The following SPINK5 variants were observed in gnomAD, a reference collection of about 807,000 sequenced individuals.
SPINK5 encodes serine protease inhibitor Kazal-type 5.
In SPINK5, 125 loss-of-function variants were observed where a neutral mutation model predicts 151.8. That is an observed-to-expected ratio of 0.82 (90% confidence interval 0.71 to 0.96). The LOEUF is 0.96. Among genes scored for constraint, SPINK5 ranks in the 40% least tolerant of loss-of-function variants. The pLI is 0.00. For synonymous variants in SPINK5, 374 were observed against 395.3 expected (o/e 0.95, Z 0.64); for missense variants, 1,194 against 1,291.9 (o/e 0.92, Z 1.16).
chr5:148,072,365 T>C, intron 4 of SPINK5, 145 bp downstream of exon 4: 1 of 820,802 alleles, frequency 1.2e-6, no homozygotes, highest in Non-Finnish European at 2.1e-6. Flanking sequence ...AGTCCAGGGG[T>C]GGGCTAAATA....
chr5:148,095,983 A>T, intron 10 of SPINK5, 78 bp downstream of exon 10: 1 of 1,092,858 alleles, frequency 9.2e-7, no homozygotes, highest in Non-Finnish European at 1.4e-6. Context: ...TGCATATTAC[A>T]TAGTATGCAC....
intron 22 of SPINK5, 67 bp from the exon 23 acceptor site, chr5:148,118,370 A>T (rs1754155250): frequency 6.2e-7 from 1 of 1,608,530 alleles, no homozygotes. Context: ...TCAGACTGTT[A>T]AAACAATTTA....
chr5:148,102,081 G>T (rs926453917), intron 15 of SPINK5, among the ~76,000 whole-genome samples, 173 bp downstream of exon 15: 2 of 152,012 alleles, frequency 1.3e-5, no homozygotes, highest in Non-Finnish European at 2.9e-5. Flanking sequence ...ACAAGTGGAG[G>T]GCTTTCTATT....
intron 14 of SPINK5, 76 bp from the exon 15 acceptor site, chr5:148,101,705 G>A (rs1753648969): frequency 1.2e-6 from 2 of 1,606,328 alleles, no homozygotes; most frequent in Admixed American, 3.3e-5. Flanking sequence ...AAGAAAAAAA[G>A]TACAAGCTTT....
At chr5:148,113,443 T>C (rs1467361811) in intron 20 of SPINK5, among the ~76,000 whole-genome samples, 2 of 152,236 alleles carry the variant, frequency 1.3e-5, no homozygotes, top group South Asian at 2.1e-4. Context: ...GCCAGCCTTC[T>C]TTCTAGTACA....
chr5:148,134,766 T>C (rs1754656060), intron 32 of SPINK5, among the ~76,000 whole-genome samples: 2 of 152,096 alleles, frequency 1.3e-5, no homozygotes, highest in Non-Finnish European at 2.9e-5. Context: ...TAAAATTATG[T>C]GTAATAAACA....
chr5:148,105,591 T>C (rs1753759460), intron 16 of SPINK5, among the ~76,000 whole-genome samples: 1 of 151,892 alleles, frequency 6.6e-6, no homozygotes, highest in African/African-American at 2.4e-5. Flanking sequence ...ATATAATAGC[T>C]ACATACAAGA....
At chr5:148,123,794 T>C (rs1754354961) in intron 26 of SPINK5, 39 bp from the exon 27 acceptor site, 1 of 1,613,446 alleles carries the variant, frequency 6.2e-7, no homozygotes, top group Non-Finnish European at 8.5e-7. Context: ...TGAAAGATTA[T>C]ACCATGACAG....
At chr5:148,098,424 G>A (rs1753534312) in intron 11 of SPINK5, among the ~76,000 whole-genome samples, 1 of 152,076 alleles carries the variant, frequency 6.6e-6, no homozygotes, top group South Asian at 2.1e-4. Context: ...ATTATTTTAT[G>A]TAATGCAATA....
intron 31 of SPINK5, among the ~76,000 whole-genome samples, chr5:148,133,298 A>T (rs1257132900): frequency 2.6e-5 from 4 of 152,228 alleles, no homozygotes; most frequent in Non-Finnish European, 1.5e-5. Flanking sequence ...TGAGTTTCCC[A>T]TTACCAGAGG....
At chr5:148,123,007 C>T (rs1341669666) in intron 26 of SPINK5, among the ~76,000 whole-genome samples, 1 of 150,792 alleles carries the variant, frequency 6.6e-6, no homozygotes, top group African/African-American at 2.4e-5. Flanking sequence ...ACTGAGTGCA[C>T]TCATAGGGAG....
intron 6 of SPINK5, chr5:148,088,886 A>T: frequency 2.1e-6 from 1 of 466,580 alleles, no homozygotes; most frequent in Non-Finnish European, 3.9e-6. Context: ...TGTGTAGTAG[A>T]AAGGGCACAA....
intron 8 of SPINK5, among the ~76,000 whole-genome samples, chr5:148,091,721 T>G (rs1173333651): frequency 2.0e-5 from 3 of 151,628 alleles, no homozygotes; most frequent in Admixed American, 2.0e-4. Context: ...GCCATTGTGA[T>G]TATTCTGTTC....
intron 5 of SPINK5, among the ~76,000 whole-genome samples, chr5:148,087,445 G>T (rs1561681062): frequency 6.6e-6 from 1 of 151,754 alleles, no homozygotes; most frequent in Non-Finnish European, 1.5e-5. Flanking sequence ...AGCTCTCCTT[G>T]CAATAAATAT....
intron 10 of SPINK5, among the ~76,000 whole-genome samples, chr5:148,096,747 C>T (rs796540807): frequency 1.5e-4 from 20 of 136,138 alleles, no homozygotes; most frequent in East Asian, 8.7e-4. Flanking sequence ...TTTTTCTTTT[C>T]TTTTCTTTTT....
rs764286291 is a variant in SPINK5 at position 148,107,143 on chromosome 5, G to A, written c.1586G>A (p.Cys529Tyr). The change falls in exon 17 of 33, where the codon TGT (cysteine) becomes TAT (tyrosine). Residue 529 changes from cysteine to tyrosine, a missense_variant. Physicochemically the swap from Cys to Tyr is radical, Grantham distance 194. Coordinates refer to ENST00000256084, the MANE Select transcript of SPINK5 (RefSeq NM_006846.4). ...GATGGCAAAATGCATGGAAACAAGT[G>A]TGCCATGTGTGCCAGTGTGTTGTGA... ...GPDGKMHGNK[C>Y]AMCASVFKLE... is the part of the protein sequence containing the mutation. 6 of 1,612,372 alleles carry A rather than the reference G, an allele frequency of 3.7e-6. No individual in the cohort carries two copies. In the Admixed American group the frequency reaches 5.0e-5, roughly 13 times the overall value.
At chr5:148,092,516 T>G (rs1339311878) in intron 8 of SPINK5, among the ~76,000 whole-genome samples, 1 of 151,910 alleles carries the variant, frequency 6.6e-6, no homozygotes, top group East Asian at 1.9e-4. Flanking sequence ...TTCCTCTCTG[T>G]GGCTAGGGTC....
intron 5 of SPINK5, among the ~76,000 whole-genome samples, chr5:148,086,856 A>C (rs1024001566): frequency 2.7e-5 from 4 of 150,058 alleles, no homozygotes; most frequent in African/African-American, 7.3e-5. Context: ...AATAAAATAT[A>C]GCTTTAATAT....
chr5:148,111,519 C>T (rs185330089), intron 18 of SPINK5, among the ~76,000 whole-genome samples: 20 of 152,298 alleles, frequency 1.3e-4, no homozygotes, highest in Admixed American at 7.8e-4. Context: ...TTTTTCTTCT[C>T]TGTATCTTTC....
Sources: gnomAD v4.1 joint callset for allele counts (sites outside exome capture counted in the v4.1 genomes callset) on GRCh38, gnomAD v4.1.1 for gene constraint, MANE v1.5 for transcripts, NCBI Gene and HGNC (gene_info 2026-07-23, HGNC 2026-07-21) for gene names.